Variants in TMEM214 observed in about 807,000 individuals in gnomAD.
The protein encoded by TMEM214 is transmembrane protein 214.
Under a neutral mutation model 89.8 loss-of-function variants are expected in TMEM214, and 71 were observed. That is an observed-to-expected ratio of 0.79 (90% CI 0.65 to 0.96). The LOEUF is 0.96. Among genes scored for constraint, TMEM214 ranks in the 40% least tolerant of loss-of-function variants. The pLI is 0.00. For synonymous variants in TMEM214, 332 were observed against 349.5 expected (o/e 0.95, Z 0.56); for missense variants, 754 against 843.4 (o/e 0.89, Z 1.31).
In TMEM214 at chr2:27,036,058, C is replaced by T; in HGVS notation, c.720+6C>T. On this transcript the variant is annotated splice_donor_region_variant and intron_variant, in intron 5 of 16. Transcript: ENST00000238788. ...CCACGGCAAACCTAGGCAAGGTGAG[C>T]TCTCAGTGATGGTGGGGATGCTAGG... 6.2e-7 allele frequency: 1 copy of T among 1,613,842 alleles called. No homozygotes were observed. The highest frequency in any genetic ancestry group is 1.3e-5 in the African/African-American group (1 of 75,040).
chr2:27,035,784 C>T, intron 4 of TMEM214, 56 bp downstream of exon 4: 2 of 1,611,182 alleles, frequency 1.2e-6, no homozygotes, highest in Non-Finnish European at 1.7e-6. Context: ...TTTTTTCCTG[C>T]TTCCAGTACC....
rs1351586681 is a variant in TMEM214, at chr2:27,034,160, A to G, written c.245A>G (p.Glu82Gly). 1.2e-6 allele frequency: 2 copies of G among 1,614,036 alleles called. No homozygotes were observed. Among genetic ancestry groups the G allele is most frequent in the Non-Finnish European group, 1.7e-6 (2 of 1,180,032 alleles). ...GAGCAGGTCCCACCCCCTGCTGTGG[A>G]ACCTAAGAAACCAGGGAACAAGAAG... ...NKEQVPPPAV[E>G]PKKPGNKKQP... The change falls in exon 2 of 17, where the codon GAA (glutamate) becomes GGA (glycine). Residue 82 changes from glutamate (E) to glycine (G), a missense_variant. Physicochemically the swap from Glu to Gly is moderately conservative, Grantham distance 98. Coordinates refer to ENST00000238788, the MANE Select transcript of TMEM214 (RefSeq NM_017727.5).
chr2:27,040,556 G>A (rs1316292915), intron 16 of TMEM214, 60 bp downstream of exon 16: 1 of 1,596,762 alleles, frequency 6.3e-7, no homozygotes, highest in South Asian at 1.1e-5. Context: ...CGGGCCCCAG[G>A]GACAAGCCAT....
intron 1 of TMEM214, among the ~76,000 whole-genome samples, chr2:27,033,476 GT>G (rs1160023869): frequency 6.6e-6 from 1 of 152,152 alleles, no homozygotes; most frequent in Admixed American, 6.5e-5. Flanking sequence ...GCCCTAGCTG[GT>G]CTCTCTGGGC....
chr2:27,034,833 C>G (rs1438820082), intron 2 of TMEM214, among the ~76,000 whole-genome samples: 1 of 152,158 alleles, frequency 6.6e-6, no homozygotes, highest in Non-Finnish European at 1.5e-5. Context: ...ATCCGCCCAC[C>G]TTGGCCTCCC....
chr2:27,039,228 AC>A, intron 13 of TMEM214, 64 bp downstream of exon 13: 1 of 1,354,454 alleles, frequency 7.4e-7, no homozygotes, highest in Non-Finnish European at 1.0e-6. Context: ...ACGTAGCACC[AC>A]CACCCCGCCC....
rs1350131983 is a variant in TMEM214, at chr2:27,040,094, C to T, written c.1687C>T (p.Gln563Ter). The T allele has an allele frequency of 6.2e-7, 1 of 1,609,268 alleles. No individual in the cohort carries two copies. The highest frequency in any genetic ancestry group is 1.7e-5 in the Admixed American group (1 of 60,034). The change falls in exon 15 of 17, where the codon CAG (glutamine) becomes TAG (stop). Residue 563 changes from glutamine (Q) to a stop codon, truncating the protein, a stop_gained. Coordinates refer to ENST00000238788, the MANE Select transcript of TMEM214 (RefSeq NM_017727.5). LOFTEE classifies it high-confidence loss of function. ...GCTCACCGTGGTGCGGCCCAGCTTG[C>T]AGCTGGCCTGGGCTCACACCAATGC... ...HLLTVVRPSL[Q>*]LAWAHTNATV...
Position 27,038,353 on chromosome 2 carries a change from C to T in TMEM214, c.1244+116C>T, listed in dbSNP as rs1558399015. The T allele has an allele frequency of 7.8e-6, 12 of 1,536,520 alleles. No homozygotes were observed. The highest frequency in any genetic ancestry group is 7.2e-6 in the Non-Finnish European group (8 of 1,113,228). On this transcript the variant is annotated intron_variant, in intron 10 of 16. Coordinates refer to ENST00000238788, the MANE Select transcript of TMEM214 (RefSeq NM_017727.5). The surrounding 1 kb of genome is among the most constrained non-coding windows in gnomAD (Gnocchi z 4.4). ...AGTGGGAACATTGCTGGAGCAGCCT[C>T]TAGGAAGCTGCTGCTCTGTGGGTGG...
In TMEM214 at chr2:27,039,955, C is replaced by T. The variant is rs1200321144; in HGVS notation, c.1623-75C>T. Reference sequence around the variant, plus strand: ...TTCTCCTTTCCCACGGCCTCCCTTTCCCCAGCTGTTTCTTGGGAGCTAAGT... The same window carrying T: ...TTCTCCTTTCCCACGGCCTCCCTTTTCCCAGCTGTTTCTTGGGAGCTAAGT... On this transcript the variant is annotated intron_variant, in intron 14 of 16. Transcript: ENST00000238788. The T allele has an allele frequency of 1.1e-5, 18 of 1,593,434 alleles. No homozygotes were observed. In the South Asian group the frequency reaches 1.8e-4, roughly 16 times the overall value.
chr2:27,039,461 T>C (rs1416670951), intron 13 of TMEM214: 11 of 592,786 alleles, frequency 1.9e-5, no homozygotes, highest in Non-Finnish European at 3.3e-5. Context: ...TAGCTTTAGG[T>C]CATAGCTAGT....
intron 2 of TMEM214, chr2:27,034,662 G>A (rs1667469785): frequency 4.4e-6 from 1 of 228,182 alleles, no homozygotes; most frequent in Non-Finnish European, 8.6e-6. Flanking sequence ...GTGTGCAGTG[G>A]TGTGATCTCA....
chr2:27,032,986 G>T lies in TMEM214; in HGVS notation c.-30G>T. On this transcript the variant is annotated 5_prime_UTR_variant, in exon 1 of 17. Transcript: ENST00000238788. ...GCTCGCGCCGGACCGGAAAGCCGGG[G>T]AAGTGGCCGAGGAGGGAGGGCTGCG... The T allele has an allele frequency of 8.0e-7, 1 of 1,245,088 alleles. No individual in the cohort carries two copies. The highest frequency in any genetic ancestry group is 3.2e-5 in the East Asian group (1 of 31,632). 77.1% of individuals were successfully genotyped at this position (1,245,088 alleles called of 1,614,324 possible). A position where few individuals can be genotyped will look rare whatever the true frequency, so the allele number is the denominator to read the frequency against.
rs1447496257 is a variant in TMEM214 at position 27,035,239 on chromosome 2, G to A, written c.456G>A (p.Lys152=). ...LKDLASYLNY[K]LQAPLSEPTL... is the part of the protein sequence containing the mutation. ...ACCTGGCCAGCTATCTCAACTACAA[G>A]CTACAAGCTCCTCTAAGTGAACCCA... The change falls in exon 3 of 17, where the codon AAG becomes AAA. Residue 152 remains lysine, a synonymous_variant. Transcript: ENST00000238788. 1 of 1,614,196 alleles carries A rather than the reference G, an allele frequency of 6.2e-7. No homozygotes were observed. Among genetic ancestry groups the A allele is most frequent in the East Asian group, 2.2e-5 (1 of 44,888 alleles).
Position 27,035,172 on chromosome 2 carries a change from G to A in TMEM214, c.389G>A (p.Ser130Asn), listed in dbSNP as rs1458128586. 6.8e-6 allele frequency: 11 copies of A among 1,614,038 alleles called. No homozygotes were observed. The highest frequency in any genetic ancestry group is 9.3e-6 in the Non-Finnish European group (11 of 1,180,040). ...VADLQKELDK[S>N]QSVFSGNPSI... The stretch of plus-strand genomic sequence containing the variant: ...GACCTGCAGAAGGAACTGGACAAGA[G>A]CCAGAGTGTGTTCTCTGGAAACCCA... The change falls in exon 3 of 17, where the codon AGC (serine) becomes AAC (asparagine). Residue 130 changes from serine (S) to asparagine (N), a missense_variant. Coordinates refer to ENST00000238788, the MANE Select transcript of TMEM214 (RefSeq NM_017727.5).
In TMEM214 at chr2:27,038,553, G is replaced by A; in HGVS notation, c.1293+21G>A. ...AGAAGGTGAGGAGCTGGGAGGACGT[G>A]GCAGGTTGAGCCCTGTCTGGATTCT... On this transcript the variant is annotated intron_variant, in intron 11 of 16. Coordinates refer to ENST00000238788, the MANE Select transcript of TMEM214 (RefSeq NM_017727.5). This position sits in a 1 kb window ranked among gnomAD's most constrained non-coding sequence, Gnocchi z 4.4. The A allele has an allele frequency of 1.2e-6, 2 of 1,613,890 alleles. No homozygotes were observed. The highest frequency in any genetic ancestry group is 1.7e-6 in the Non-Finnish European group (2 of 1,179,916).
chr2:27,036,734 G>A lies in TMEM214; in HGVS notation c.856G>A (p.Gly286Ser). 1 of 1,614,146 alleles carries A rather than the reference G, an allele frequency of 6.2e-7. No homozygotes were observed. The highest frequency in any genetic ancestry group is 1.1e-5 in the South Asian group (1 of 91,088). The stretch of plus-strand genomic sequence containing the variant: ...GCTGGGGATCATGCTGCCTGTGCTG[G>A]GCATCAAGTCTCTGTCTCCCTTTGC... ...VWLGIMLPVL[G>S]IKSLSPFAIT... is the part of the protein sequence containing the mutation. The change falls in exon 7 of 17, where the codon GGC becomes AGC. Residue 286 changes from glycine (G) to serine (S), a missense_variant. Transcript: ENST00000238788.
rs1277092866 is a variant in TMEM214, at chr2:27,038,948, C to G, written c.1408-99C>G. 6.8e-7 allele frequency: 1 copy of G among 1,474,328 alleles called. No individual in the cohort carries two copies. Among genetic ancestry groups the G allele is most frequent in the Non-Finnish European group, 9.4e-7 (1 of 1,059,820 alleles). The allele number at this position is 1,474,328 out of a possible 1,614,324, so 91.3% of individuals were successfully genotyped here. On this transcript the variant is annotated intron_variant, in intron 12 of 16. Coordinates refer to ENST00000238788, the MANE Select transcript of TMEM214 (RefSeq NM_017727.5). This position sits in a 1 kb window ranked among gnomAD's most constrained non-coding sequence, Gnocchi z 4.4. ...CGCTGCCTCCAGGATAATGTGAAGG[C>G]TTGACGCTCTTTCGGGAAGGCCTGG...
chr2:27,036,972 T>C lies in TMEM214; in HGVS notation c.909-105T>C, dbSNP rs552960627. ...AGCTATTAAGGGCTGGCAGATGGGGTAGAGTTTATACCCTTTTTCCTAGAT... is the reference window on the plus strand; with the variant it reads ...AGCTATTAAGGGCTGGCAGATGGGGCAGAGTTTATACCCTTTTTCCTAGAT... On this transcript the variant is annotated intron_variant, in intron 7 of 16. Coordinates refer to ENST00000238788, the MANE Select transcript of TMEM214 (RefSeq NM_017727.5). 1.5e-5 allele frequency: 17 copies of C among 1,149,148 alleles called. No individual in the cohort carries two copies. In the African/African-American group the frequency reaches 1.8e-4, roughly 12 times the overall value. 71.2% of individuals were successfully genotyped at this position (1,149,148 alleles called of 1,614,324 possible).
chr2:27,038,901 G>A lies in TMEM214; in HGVS notation c.1407+86G>A, dbSNP rs1173084400. ...TGGGTTGGGCCTGTATCACATTCCTGCCCCACCTGTCTGGAGCCCCCCGCT... is the reference window on the plus strand; with the variant it reads ...TGGGTTGGGCCTGTATCACATTCCTACCCCACCTGTCTGGAGCCCCCCGCT... On this transcript the variant is annotated intron_variant, in intron 12 of 16. Transcript: ENST00000238788. This position sits in a 1 kb window ranked among gnomAD's most constrained non-coding sequence, Gnocchi z 4.4. The A allele has an allele frequency of 4.9e-6, 7 of 1,428,912 alleles. No individual in the cohort carries two copies. In the Admixed American group the frequency reaches 6.9e-5, roughly 14 times the overall value. 88.5% of individuals were successfully genotyped at this position (1,428,912 alleles called of 1,614,324 possible).
Sources: allele counts gnomAD v4.1 joint callset (sites outside exome capture counted in the v4.1 genomes callset), GRCh38; gene constraint gnomAD v4.1.1; non-coding constraint Gnocchi (gnomAD v3.1); transcripts MANE v1.5; gene names NCBI Gene and HGNC (gene_info 2026-07-23, HGNC 2026-07-21).